The following FOXP1 variants were observed in gnomAD, a reference collection of about 807,000 sequenced individuals.
FOXP1 encodes the protein forkhead box protein P1.
In FOXP1, 15 loss-of-function variants were observed where a neutral mutation model predicts 98.2. That is an observed-to-expected ratio of 0.15 (90% CI 0.10 to 0.24). The LOEUF (loss-of-function observed/expected upper bound fraction) is 0.24. FOXP1 is among the 10% of genes least tolerant of loss of function. FOXP1 has a pLI of 1.00. For synonymous variants in FOXP1, 371 were observed against 314.5 expected (o/e 1.18, Z -1.90); for missense variants, 633 against 848.5 (o/e 0.75, Z 3.15).
Position 71,299,878 on chromosome 3 carries a change from A to C in FOXP1, c.-70T>G, listed in dbSNP as rs1467904438. On this transcript the variant is annotated splice_region_variant and 5_prime_UTR_variant, in exon 5 of 21. Coordinates refer to ENST00000649528, the MANE Select transcript of FOXP1 (RefSeq NM_001349338.3). ...TAGTCACCTCAAAAGGTCACGTCTT[A>C]CCCTGAAAACAAAAGAGAACATCAA... 6.5e-6 allele frequency: 1 copy of C among 152,684 alleles called. No individual in the cohort carries two copies. The highest frequency in any genetic ancestry group is 1.5e-5 in the Non-Finnish European group (1 of 68,050). 9.5% of individuals were successfully genotyped at this position (152,684 alleles called of 1,614,324 possible).
At chr3:71,082,339 G>A (rs1054326217) in intron 7 of FOXP1, among the ~76,000 whole-genome samples, 4 of 151,040 alleles carry the variant, frequency 2.6e-5, no homozygotes, top group African/African-American at 7.3e-5. Flanking sequence ...ATACTAGTCT[G>A]TGAAATGGGC....
chr3:71,317,053 C>A (rs2075122061), intron 4 of FOXP1, among the ~76,000 whole-genome samples: 1 of 152,126 alleles, frequency 6.6e-6, no homozygotes, highest in Non-Finnish European at 1.5e-5. Context: ...TCAGAGGGAA[C>A]CCACCCCAAC....
chr3:71,001,550 C>A (rs745943372), intron 12 of FOXP1, among the ~76,000 whole-genome samples: 2 of 151,894 alleles, frequency 1.3e-5, no homozygotes, highest in Non-Finnish European at 2.9e-5. Context: ...ACATATGAAA[C>A]CTGAAACATG....
At chr3:71,421,431 A>G (rs1049024170) in intron 3 of FOXP1, among the ~76,000 whole-genome samples, 7 of 152,206 alleles carry the variant, frequency 4.6e-5, no homozygotes, top group African/African-American at 1.7e-4. Context: ...AGAACAATCT[A>G]GTTATCTTTT....
intron 5 of FOXP1, among the ~76,000 whole-genome samples, chr3:71,279,172 C>CAAAAA (rs11308828): frequency 1.7e-4 from 12 of 69,768 alleles, no homozygotes; most frequent in African/African-American, 3.9e-4. Flanking sequence ...AACTCCATCT[C>CAAAAA]AAAAAAAAAA....
intron 5 of FOXP1, among the ~76,000 whole-genome samples, chr3:71,234,520 T>A (rs1230812888): frequency 6.6e-6 from 1 of 152,118 alleles, no homozygotes; most frequent in African/African-American, 2.4e-5. Flanking sequence ...CTACAGAAAG[T>A]TTCGTCACCC....
At chr3:71,280,015 C>A (rs1490992436) in intron 5 of FOXP1, among the ~76,000 whole-genome samples, 1 of 150,180 alleles carries the variant, frequency 6.7e-6, no homozygotes, top group Non-Finnish European at 1.5e-5. Context: ...CCCAGCTACT[C>A]GGGAGGCTGA....
Position 70,955,322 on chromosome 3 carries a change from G to C in FOXP1, c.*3925C>G, listed in dbSNP as rs2031509252. The stretch of plus-strand genomic sequence containing the variant: ...TGACTGGATGCTGGGGATGGTGTTA[G>C]AGCTGTCCAAAGGTGGCAGGACTGG... On this transcript the variant is annotated 3_prime_UTR_variant, in exon 21 of 21. Coordinates refer to ENST00000649528, the MANE Select transcript of FOXP1 (RefSeq NM_001349338.3). The C allele has an allele frequency of 1.3e-5, 3 of 232,884 alleles. No homozygotes were observed. Among genetic ancestry groups the C allele is most frequent in the African/African-American group, 4.4e-5 (2 of 45,292 alleles). The allele number at this position is 232,884 out of a possible 1,614,324, so 14.4% of individuals were successfully genotyped here.
intron 4 of FOXP1, among the ~76,000 whole-genome samples, chr3:71,309,285 G>A (rs192585694): frequency 6.6e-6 from 1 of 151,836 alleles, no homozygotes; most frequent in Admixed American, 6.5e-5. Context: ...CGAAATCACT[G>A]CGCTAAGAAA....
rs112773801 is a variant in FOXP1, at chr3:70,959,190, G to GTTTT, written c.*53_*56dup. The GTTTT allele has an allele frequency of 3.8e-6, 5 of 1,299,900 alleles. No homozygotes were observed. In the African/African-American group the frequency reaches 4.4e-5, roughly 11 times the overall value. The allele number at this position is 1,299,900 out of a possible 1,614,324, so 80.5% of individuals were successfully genotyped here. Reference sequence around the variant, plus strand: ...CAATTTCACTGCTAACTTTTGACGTGTTTTTTTTTTTTTCCTTTTTCCAAT... The same window carrying GTTTT: ...CAATTTCACTGCTAACTTTTGACGTGTTTTTTTTTTTTTTTTTCCTTTTTCCAAT... On this transcript the variant is annotated 3_prime_UTR_variant, in exon 21 of 21. Transcript: ENST00000649528.
At chr3:71,373,313 G>A (rs973371087) in intron 3 of FOXP1, among the ~76,000 whole-genome samples, 4 of 99,202 alleles carry the variant, frequency 4.0e-5, no homozygotes, top group African/African-American at 1.5e-4. Flanking sequence ...GCTCCAAAAT[G>A]TTCGCCTTTA....
At chr3:71,344,755 T>C (rs2077220450) in intron 4 of FOXP1, among the ~76,000 whole-genome samples, 1 of 152,056 alleles carries the variant, frequency 6.6e-6, no homozygotes, top group African/African-American at 2.4e-5. Flanking sequence ...CGAGAATGGC[T>C]TGAACCTGGC....
At chr3:71,158,107 G>GGAA (rs1443534284) in intron 6 of FOXP1, among the ~76,000 whole-genome samples, 1 of 39,558 alleles carries the variant, frequency 2.5e-5, no homozygotes, top group Admixed American at 2.4e-4. Flanking sequence ...AAGGAAGGAA[G>GGAA]GGAGGGAGGG....
chr3:71,286,801 T>C (rs1019061131), intron 5 of FOXP1, among the ~76,000 whole-genome samples: 1 of 152,176 alleles, frequency 6.6e-6, no homozygotes, highest in African/African-American at 2.4e-5. Context: ...AGAAAACACA[T>C]GTACGCAGAG....
intron 3 of FOXP1, among the ~76,000 whole-genome samples, chr3:71,370,583 G>C (rs969092467): frequency 7.9e-5 from 12 of 152,070 alleles, no homozygotes; most frequent in African/African-American, 2.7e-4. Flanking sequence ...GATCGGCACC[G>C]GGGCACCACT....
At chr3:71,326,021 G>T (rs1198886874) in intron 4 of FOXP1, among the ~76,000 whole-genome samples, 1 of 151,844 alleles carries the variant, frequency 6.6e-6, no homozygotes, top group African/African-American at 2.4e-5. Context: ...ATTCAAAACA[G>T]AAAAATACTT....
intron 18 of FOXP1, 44 bp downstream of exon 18, chr3:70,972,511 C>T (rs983121791): frequency 6.2e-7 from 1 of 1,613,512 alleles, no homozygotes; most frequent in African/African-American, 1.3e-5. Flanking sequence ...TACTTGTTAG[C>T]ACAATCCAAG....
At chr3:71,067,731 T>TACACACACACACACACAC (rs6147878) in intron 7 of FOXP1, among the ~76,000 whole-genome samples, 10,401 of 126,444 alleles carry the variant, frequency 0.082, 580 homozygotes, top group Non-Finnish European at 0.094. Flanking sequence ...TCTCCAAAAA[T>TACACACACACACACACAC]ACACACACAC....
chr3:71,204,752 A>T (rs905205811), intron 5 of FOXP1, among the ~76,000 whole-genome samples: 69 of 152,074 alleles, frequency 4.5e-4, no homozygotes, highest in Non-Finnish European at 6.9e-4. Context: ...TACTCTTAAG[A>T]AAAAAACAAA....
Sources: gnomAD v4.1 joint callset for allele counts (sites outside exome capture counted in the v4.1 genomes callset) on GRCh38, gnomAD v4.1.1 for gene constraint, MANE v1.5 for transcripts, NCBI Gene and HGNC (gene_info 2026-07-23, HGNC 2026-07-21) for gene names.